Variants in BICRA observed in about 807,000 individuals in gnomAD.
BICRA encodes the protein BRD4 interacting chromatin remodeling complex associated protein.
BICRA carries 31 observed loss-of-function variants against 96.9 expected under a neutral mutation model. That is an observed-to-expected ratio of 0.32 (90% confidence interval 0.24 to 0.43). The LOEUF is 0.43. Among genes scored for constraint, BICRA ranks in the 20% least tolerant of loss-of-function variants. BICRA has a pLI of 1.00. For synonymous variants in BICRA, 1,350 were observed against 1,071.8 expected (o/e 1.26, Z -5.07); for missense variants, 2,283 against 2,190.3 (o/e 1.04, Z -0.84).
At chr19:47,673,643 C>T (rs1409327037) in intron 3 of BICRA, 28 bp downstream of exon 3, 3 of 1,562,052 alleles carry the variant, frequency 1.9e-6, no homozygotes, top group Non-Finnish European at 2.6e-6. Context: ...CACCCCCTGC[C>T]CTCTGTCTCA....
intron 1 of BICRA, among the ~76,000 whole-genome samples, chr19:47,630,528 T>C (rs144467842): frequency 7.6e-4 from 116 of 152,270 alleles, no homozygotes; most frequent in African/African-American, 2.7e-3. Flanking sequence ...ATTTGTCCTT[T>C]TGTGTTGATT....
Position 47,646,612 on chromosome 19 carries a change from C to T in BICRA, c.-107-23831C>T, listed in dbSNP as rs542529702. On this transcript the variant is annotated intron_variant, in intron 1 of 14. Coordinates refer to ENST00000594866, the MANE Select transcript of BICRA (RefSeq NM_001394372.1). The stretch of plus-strand genomic sequence containing the variant: ...GTCACGCACTTCACCCGTATTAATT[C>T]GTTTAATCCTCCTGACAGTCCCTTG... Among the ~76,000 whole-genome samples the T allele has an allele frequency of 3.9e-5, 6 of 152,270 alleles. No homozygotes were observed. In the South Asian group the frequency reaches 1.0e-3, roughly 26 times the overall value.
chr19:47,665,798 G>A (rs1368263964), intron 1 of BICRA, among the ~76,000 whole-genome samples: 1 of 152,198 alleles, frequency 6.6e-6, no homozygotes, highest in African/African-American at 2.4e-5. Flanking sequence ...ATCTCATCTG[G>A]AAAATGGGGG....
chr19:47,655,961 A>G (rs1440370773), intron 1 of BICRA, among the ~76,000 whole-genome samples: 1 of 149,046 alleles, frequency 6.7e-6, no homozygotes, highest in Non-Finnish European at 1.5e-5. Context: ...GAGGCTGGGC[A>G]TGGTAGCTCA....
At position 47,676,316 on chromosome 19, in the gene BICRA, G is replaced by A. The variant is rs147532244; in HGVS notation, c.150+400G>A. Reference sequence around the variant, plus strand: ...TCCTGCCCAACTCAGCCATGGCAGGGTGTGACCTAGGGGAGGGGCCTCCTC... The same window carrying A: ...TCCTGCCCAACTCAGCCATGGCAGGATGTGACCTAGGGGAGGGGCCTCCTC... On this transcript the variant is annotated intron_variant, in intron 5 of 14. Transcript: ENST00000594866. Among the ~76,000 whole-genome samples the A allele has an allele frequency of 7.0e-3, 1,060 of 152,246 alleles. 11 individuals carry two copies. Among genetic ancestry groups the A allele is most frequent in the African/African-American group, 0.024 (994 of 41,536 alleles).
chr19:47,677,057 C>A (rs1972953028), intron 5 of BICRA, among the ~76,000 whole-genome samples: 1 of 152,170 alleles, frequency 6.6e-6, no homozygotes, highest in Non-Finnish European at 1.5e-5. Context: ...CCGCCACTCA[C>A]CAGTGGTTGA....
At position 47,698,207 on chromosome 19, in the gene BICRA, G is replaced by A. The variant is rs548236235; in HGVS notation, c.3249-427G>A. Among the ~76,000 whole-genome samples the A allele has an allele frequency of 1.3e-5, 2 of 152,258 alleles. No homozygotes were observed. The highest frequency in any genetic ancestry group is 1.9e-4 in the East Asian group (1 of 5,174). On this transcript the variant is annotated intron_variant, in intron 11 of 14. Transcript: ENST00000594866. The surrounding 1 kb of genome is among the most constrained non-coding windows in gnomAD (Gnocchi z 4.8). ...CCATTGTAACATGGGCTACAAAAGC[G>A]GCCCGTGAGAAGACAGGATCCAGCC...
intron 8 of BICRA, 35 bp downstream of exon 8, chr19:47,694,761 C>T: frequency 1.8e-6 from 2 of 1,134,822 alleles, no homozygotes; most frequent in East Asian, 4.7e-5. Context: ...CCCCATCAGC[C>T]CCATCCCATC....
chr19:47,611,089 G>A (rs1313484165), intron 1 of BICRA, among the ~76,000 whole-genome samples: 1 of 152,154 alleles, frequency 6.6e-6, no homozygotes, highest in Admixed American at 6.5e-5. Context: ...AGGTTAAGAA[G>A]CTTGCCCAGG....
chr19:47,661,303 C>T (rs763093444), intron 1 of BICRA, among the ~76,000 whole-genome samples: 5 of 151,388 alleles, frequency 3.3e-5, no homozygotes, highest in Non-Finnish European at 5.9e-5. Context: ...GTGGCCGTAG[C>T]CAAGGGCTCA....
chr19:47,674,340 G>A (rs2123578166), intron 4 of BICRA, among the ~76,000 whole-genome samples: 2 of 152,328 alleles, frequency 1.3e-5, no homozygotes, highest in East Asian at 3.9e-4. Context: ...CCCGATAGAG[G>A]AGTTGTTATT....
intron 7 of BICRA, among the ~76,000 whole-genome samples, chr19:47,683,678 G>A (rs571546641): frequency 1.3e-5 from 2 of 151,550 alleles, no homozygotes; most frequent in African/African-American, 4.8e-5. Context: ...TCCGCCTCTC[G>A]GGTTCACGCC....
chr19:47,679,186 C>A, intron 5 of BICRA, 135 bp from the exon 6 acceptor site: 2 of 546,514 alleles, frequency 3.7e-6, no homozygotes, highest in Non-Finnish European at 6.0e-6. Flanking sequence ...CAAGCGTGAA[C>A]CACCATGCCA....
intron 1 of BICRA, among the ~76,000 whole-genome samples, chr19:47,642,190 T>C (rs1264560566): frequency 6.6e-6 from 1 of 152,260 alleles, no homozygotes; most frequent in Non-Finnish European, 1.5e-5. Context: ...GTTCATTCCT[T>C]CTTTTGCTGG....
rs544779743 is a variant in BICRA at position 47,613,873 on chromosome 19, A to G, written c.-108+4705A>G. On this transcript the variant is annotated intron_variant, in intron 1 of 14. Transcript: ENST00000594866. Reference sequence around the variant, plus strand: ...GTGGAGAGGGAGAGTTTTCTAAGGCATTTCTAGTTTGGTGACAATTAGTTT... The same window carrying G: ...GTGGAGAGGGAGAGTTTTCTAAGGCGTTTCTAGTTTGGTGACAATTAGTTT... Among the ~76,000 whole-genome samples, 10 of 151,868 alleles carry G rather than the reference A, an allele frequency of 6.6e-5. No individual in the cohort carries two copies. The East Asian group carries it at 1.9e-3, about 30-fold the overall frequency.
At chr19:47,667,107 C>A (rs543823915) in intron 1 of BICRA, among the ~76,000 whole-genome samples, 15 of 151,882 alleles carry the variant, frequency 9.9e-5, no homozygotes, top group Non-Finnish European at 2.1e-4. Flanking sequence ...CAACCTCCGC[C>A]TCCCGGGTTC....
chr19:47,640,590 T>G lies in BICRA; in HGVS notation c.-107-29853T>G, dbSNP rs141942170. ...GAGCTGACCTGCCAGTGGAGGATAC[T>G]CAAAGTTGGGCTCATCAGACTGTAC... On this transcript the variant is annotated intron_variant, in intron 1 of 14. Transcript: ENST00000594866. Among the ~76,000 whole-genome samples the G allele has an allele frequency of 1.4e-4, 21 of 150,284 alleles. No homozygotes were observed. In the East Asian group the frequency reaches 3.7e-3, roughly 27 times the overall value.
intron 1 of BICRA, among the ~76,000 whole-genome samples, chr19:47,647,646 C>T (rs1972479962): frequency 6.6e-6 from 1 of 152,068 alleles, no homozygotes; most frequent in Admixed American, 6.6e-5. Flanking sequence ...GTTGCATGTT[C>T]TTGTAGAATC....
Position 47,694,434 on chromosome 19 carries a change from C to T in BICRA, c.2603C>T (p.Pro868Leu), listed in dbSNP as rs778326533. The T allele has an allele frequency of 1.6e-5, 18 of 1,107,046 alleles. No homozygotes were observed. The highest frequency in any genetic ancestry group is 3.9e-5 in the South Asian group (3 of 76,256). 68.6% of individuals were successfully genotyped at this position (1,107,046 alleles called of 1,614,324 possible). The change falls in exon 8 of 15, where the codon CCG becomes CTG. Residue 868 changes from proline (P) to leucine (L), a missense_variant. By Grantham distance (98) the Pro-to-Leu change is moderately conservative. Coordinates refer to ENST00000594866, the MANE Select transcript of BICRA (RefSeq NM_001394372.1). ...CCGCCTCTCCGCCCCCAGTCCCAGC[C>T]GCCTGAGGGACCGCTGCCCCCAGCC... ...PQPPLRPQSQ[P>L]PEGPLPPAPH...
Sources: gnomAD v4.1 joint callset for allele counts (sites outside exome capture counted in the v4.1 genomes callset) on GRCh38, gnomAD v4.1.1 for gene constraint, Gnocchi (gnomAD v3.1) non-coding constraint, MANE v1.5 for transcripts, NCBI Gene and HGNC (gene_info 2026-07-23, HGNC 2026-07-21) for gene names.